NR3C2: variants seen among roughly 807,000 people sequenced by gnomAD.
NR3C2 encodes the protein nuclear receptor subfamily 3 group C member 2.
NR3C2 carries 15 observed loss-of-function variants against 86.4 expected under a neutral mutation model. That is an observed-to-expected ratio of 0.17 (90% CI 0.12 to 0.27). NR3C2 has a LOEUF of 0.27. NR3C2 is among the 10% of genes least tolerant of loss of function. The pLI is 1.00. For missense variants in NR3C2, 960 were observed against 1,195.6 expected, an observed-to-expected ratio of 0.80 and a Z score of 2.91; for synonymous variants, 458 against 450.5, an observed-to-expected ratio of 1.02 and a Z score of -0.21.
At chr4:148,409,536 T>C (rs767074823) in intron 2 of NR3C2, among the ~76,000 whole-genome samples, 1 of 152,178 alleles carries the variant, frequency 6.6e-6, no homozygotes, top group Non-Finnish European at 1.5e-5. Context: ...CCTTTTCTGA[T>C]GGACCTTTCC....
At chr4:148,207,086 A>C (rs1362686191) in intron 3 of NR3C2, among the ~76,000 whole-genome samples, 1 of 151,924 alleles carries the variant, frequency 6.6e-6, no homozygotes, top group Non-Finnish European at 1.5e-5. Context: ...CATGCCTGGC[A>C]ATTTTTTTTG....
chr4:148,405,957 A>C (rs1474466422), intron 2 of NR3C2, among the ~76,000 whole-genome samples: 1 of 152,208 alleles, frequency 6.6e-6, no homozygotes, highest in African/African-American at 2.4e-5. Flanking sequence ...CAGCCTGGGC[A>C]GCACAGCATG....
At chr4:148,367,481 G>T (rs1746205601) in intron 2 of NR3C2, among the ~76,000 whole-genome samples, 1 of 152,056 alleles carries the variant, frequency 6.6e-6, no homozygotes, top group Non-Finnish European at 1.5e-5. Context: ...TTCAGCTTGG[G>T]TTGAATACGA....
intron 2 of NR3C2, among the ~76,000 whole-genome samples, chr4:148,266,875 A>G (rs994125432): frequency 2.0e-5 from 3 of 152,212 alleles, no homozygotes; most frequent in African/African-American, 7.2e-5. Context: ...AAATTTTTTT[A>G]AAGTAGACAG....
chr4:148,363,249 A>C (rs1745930450), intron 2 of NR3C2, among the ~76,000 whole-genome samples: 1 of 152,142 alleles, frequency 6.6e-6, no homozygotes, highest in East Asian at 1.9e-4. Context: ...TTCTGCTTTT[A>C]GTGATCTCTT....
At chr4:148,152,976 G>A (rs942248000) in intron 5 of NR3C2, among the ~76,000 whole-genome samples, 4 of 152,078 alleles carry the variant, frequency 2.6e-5, no homozygotes, top group Admixed American at 2.6e-4. Flanking sequence ...TAAAATAAAG[G>A]GTAATTTAAT....
chr4:148,291,914 A>T (rs1021709053), intron 2 of NR3C2, among the ~76,000 whole-genome samples: 5 of 152,146 alleles, frequency 3.3e-5, no homozygotes, highest in Non-Finnish European at 7.4e-5. Flanking sequence ...ACAGGTGGGG[A>T]AAATCATCTA....
At chr4:148,122,107 A>G (rs577229918) in intron 6 of NR3C2, among the ~76,000 whole-genome samples, 3 of 152,332 alleles carry the variant, frequency 2.0e-5, no homozygotes, top group Admixed American at 1.3e-4. Context: ...TGGGAGGTTG[A>G]ATGGATAGTA....
In NR3C2 at chr4:148,097,173, G is replaced by A. The variant is rs541853715; in HGVS notation, c.2800-15674C>T. On this transcript the variant is annotated intron_variant, in intron 8 of 8. Transcript: ENST00000358102. The stretch of plus-strand genomic sequence containing the variant: ...CCTATGGGCATAAGGCTAGGTAACC[G>A]AAGACGTCATGCAACTTAAAGGTTC... Among the ~76,000 whole-genome samples the A allele has an allele frequency of 1.9e-4, 29 of 152,236 alleles. 2 individuals carry two copies. The South Asian group carries it at 5.8e-3, about 31-fold the overall frequency.
Position 148,436,855 on chromosome 4 carries a change from C to T in NR3C2, c.6G>A (p.Glu2=). Residue 2 remains glutamate, a synonymous_variant, in exon 2 of 9, where the codon GAG becomes GAA. Coordinates refer to ENST00000358102, the MANE Select transcript of NR3C2 (RefSeq NM_000901.5). The part of the protein sequence containing the change: M[E]TKGYHSLPEG... Reference sequence around the variant, plus strand: ...CAGGGAGACTGTGGTAGCCTTTGGTCTCCATCGCTAACAAATAAATTTACA... The same window carrying T: ...CAGGGAGACTGTGGTAGCCTTTGGTTTCCATCGCTAACAAATAAATTTACA... 1 of 1,607,898 alleles carries T rather than the reference C, an allele frequency of 6.2e-7. No individual in the cohort carries two copies. The highest frequency in any genetic ancestry group is 8.5e-7 in the Non-Finnish European group (1 of 1,178,822).
intron 2 of NR3C2, among the ~76,000 whole-genome samples, chr4:148,289,525 T>C (rs3910047): frequency 0.22 from 33,869 of 152,114 alleles, 3,874 homozygotes; most frequent in Admixed American, 0.28. Flanking sequence ...ATAATCCAAT[T>C]ATAGTATTTT....
intron 6 of NR3C2, among the ~76,000 whole-genome samples, chr4:148,141,430 T>TCTCTCC (rs1332855892): frequency 1.5e-5 from 2 of 135,136 alleles, no homozygotes; most frequent in African/African-American, 5.5e-5. Context: ...TCTCTCTCTC[T>TCTCTCC]CTCTCTCCCT....
chr4:148,212,055 CT>C (rs1455703435), intron 3 of NR3C2, among the ~76,000 whole-genome samples: 1 of 152,178 alleles, frequency 6.6e-6, no homozygotes, highest in African/African-American at 2.4e-5. Flanking sequence ...TCAGAAATAT[CT>C]CCTCTCTCTA....
chr4:148,078,818 C>T lies in NR3C2; in HGVS notation c.*2526G>A, dbSNP rs1553982058. 6.6e-6 allele frequency: 1 copy of T among 152,544 alleles called. No individual in the cohort carries two copies. The highest frequency in any genetic ancestry group is 2.4e-5 in the African/African-American group (1 of 41,420). The allele number at this position is 152,544 out of a possible 1,614,324, so 9.4% of individuals were successfully genotyped here. Reference sequence around the variant, plus strand: ...GCTTACAGTCCTTTGCAAAGACAGACATATGTTTTTGCATAAAGATATAAA... The same window carrying T: ...GCTTACAGTCCTTTGCAAAGACAGATATATGTTTTTGCATAAAGATATAAA... On this transcript the variant is annotated 3_prime_UTR_variant, in exon 9 of 9. Transcript: ENST00000358102.
chr4:148,089,561 T>G (rs1463140877), intron 8 of NR3C2, among the ~76,000 whole-genome samples: 1 of 152,250 alleles, frequency 6.6e-6, no homozygotes, highest in Non-Finnish European at 1.5e-5. Flanking sequence ...ACCATTTCCC[T>G]CTATGGAACA....
At chr4:148,392,266 T>C (rs963080694) in intron 2 of NR3C2, among the ~76,000 whole-genome samples, 7 of 152,242 alleles carry the variant, frequency 4.6e-5, no homozygotes, top group African/African-American at 1.7e-4. Flanking sequence ...TTAACAATCA[T>C]TTCACATCAT....
At chr4:148,176,263 T>C (rs1735370464) in intron 4 of NR3C2, among the ~76,000 whole-genome samples, 1 of 152,252 alleles carries the variant, frequency 6.6e-6, no homozygotes, top group Non-Finnish European at 1.5e-5. Context: ...CCGATTTTCA[T>C]ATTCTGAGTT....
At chr4:148,223,343 C>T (rs773038226) in intron 3 of NR3C2, among the ~76,000 whole-genome samples, 3 of 152,204 alleles carry the variant, frequency 2.0e-5, no homozygotes, top group Non-Finnish European at 2.9e-5. Flanking sequence ...CCTCCCTAAG[C>T]ACTACCATGT....
At chr4:148,421,252 T>C (rs1264669811) in intron 2 of NR3C2, among the ~76,000 whole-genome samples, 4 of 152,232 alleles carry the variant, frequency 2.6e-5, no homozygotes, top group African/African-American at 9.6e-5. Context: ...TTTCACACTG[T>C]TGTACAACCA....
Sources: allele counts gnomAD v4.1 joint callset (sites outside exome capture counted in the v4.1 genomes callset), GRCh38; gene constraint gnomAD v4.1.1; transcripts MANE v1.5; gene names NCBI Gene and HGNC (gene_info 2026-07-23, HGNC 2026-07-21).